KAT7: variants seen among roughly 807,000 people sequenced by gnomAD.
KAT7 encodes the protein histone acetyltransferase KAT7.
Under a neutral mutation model 82.1 loss-of-function variants are expected in KAT7, and 10 were observed. The ratio of observed to expected loss-of-function variants is 0.12; its 90% CI spans 0.08 to 0.21. KAT7 has a LOEUF of 0.21. KAT7 is among the 10% of genes least tolerant of loss of function. KAT7 has a pLI of 1.00. For missense variants in KAT7, 378 were observed against 760.9 expected, an observed-to-expected ratio of 0.50 and a Z score of 5.92; for synonymous variants, 250 against 262.5, an observed-to-expected ratio of 0.95 and a Z score of 0.46.
intron 11 of KAT7, among the ~76,000 whole-genome samples, chr17:49,822,371 G>A (rs1198002114): frequency 6.6e-6 from 1 of 151,994 alleles, no homozygotes; most frequent in Non-Finnish European, 1.5e-5. Flanking sequence ...GGGATAACAG[G>A]CGCCTGCCAC....
At chr17:49,812,052 T>G (rs1004456590) in intron 7 of KAT7, among the ~76,000 whole-genome samples, 1 of 152,178 alleles carries the variant, frequency 6.6e-6, no homozygotes, top group African/African-American at 2.4e-5. Context: ...AGAAGTAATG[T>G]ACATTTGTAA....
intron 3 of KAT7, 45 bp from the exon 4 acceptor site, chr17:49,798,274 T>C: frequency 6.3e-7 from 1 of 1,587,198 alleles, no homozygotes; most frequent in Non-Finnish European, 8.6e-7. Flanking sequence ...AACTTCTAAA[T>C]AAATGAACTC....
At chr17:49,821,503 A>G in intron 10 of KAT7, 77 bp downstream of exon 10, 10 of 1,472,654 alleles carry the variant, frequency 6.8e-6, no homozygotes, top group Non-Finnish European at 9.5e-6. Context: ...TTTTTTCTCC[A>G]TCACACCTTG....
chr17:49,802,185 T>C (rs948707939), intron 4 of KAT7, among the ~76,000 whole-genome samples: 2 of 152,174 alleles, frequency 1.3e-5, no homozygotes, highest in Non-Finnish European at 2.9e-5. Flanking sequence ...ATTTTTAGCT[T>C]TTTTGAACAA....
intron 11 of KAT7, 129 bp downstream of exon 11, chr17:49,821,919 A>G: frequency 6.8e-6 from 1 of 146,264 alleles, no homozygotes; most frequent in East Asian, 1.9e-4. Context: ...TCCTTAAATT[A>G]AAAAAAAAAA....
At chr17:49,822,329 G>A (rs941816709) in intron 11 of KAT7, among the ~76,000 whole-genome samples, 2 of 151,940 alleles carry the variant, frequency 1.3e-5, no homozygotes, top group African/African-American at 2.4e-5. Flanking sequence ...CCAGGTTCAA[G>A]TGACCCTCCT....
intron 12 of KAT7, among the ~76,000 whole-genome samples, chr17:49,824,087 T>G (rs975269216): frequency 7.9e-5 from 12 of 152,166 alleles, no homozygotes; most frequent in African/African-American, 2.9e-4. Flanking sequence ...AATAAGGCAT[T>G]TTTAAACAGA....
Position 49,796,880 on chromosome 17 carries a change from T to A in KAT7, c.294T>A (p.Arg98=). The change falls in exon 3 of 15, where the codon CGT becomes CGA. Residue 98 remains arginine, a synonymous_variant. Coordinates refer to ENST00000259021, the MANE Select transcript of KAT7 (RefSeq NM_007067.5). The part of the protein sequence containing the change: ...TPKKYPLRQT[R]SSGSETEQVV... ...AAAAATACCCTCTTCGGCAGACTCG[T>A]TCATCTGGTTCAGAAACTGAGCAAG... is the stretch of plus-strand genomic sequence containing the variant. 1 of 1,614,194 alleles carries A rather than the reference T, an allele frequency of 6.2e-7. No homozygotes were observed. Among genetic ancestry groups the A allele is most frequent in the Non-Finnish European group, 8.5e-7 (1 of 1,180,028 alleles).
chr17:49,792,071 TC>T, intron 2 of KAT7, 38 bp downstream of exon 2: 1 of 1,595,950 alleles, frequency 6.3e-7, no homozygotes, highest in Non-Finnish European at 8.6e-7. Flanking sequence ...ACTCCTCACA[TC>T]TGGCTGACTG....
rs554258976 is a variant in KAT7 at position 49,795,562 on chromosome 17, C to A, written c.164-1188C>A. 9 of 240,624 alleles carry A rather than the reference C, an allele frequency of 3.7e-5. No homozygotes were observed. In the South Asian group the frequency reaches 5.4e-4, roughly 14 times the overall value. 14.9% of individuals were successfully genotyped at this position (240,624 alleles called of 1,614,324 possible). A position where few individuals can be genotyped will look rare whatever the true frequency, so the allele number is the denominator to read the frequency against. ...GGTCAGCACTGTGGTGAGCTCCAAC[C>A]AAGTGAATAAGTTTCAGATGGCTTA... On this transcript the variant is annotated intron_variant, in intron 2 of 14. Coordinates refer to ENST00000259021, the MANE Select transcript of KAT7 (RefSeq NM_007067.5).
At chr17:49,793,196 T>A (rs1039055791) in intron 2 of KAT7, among the ~76,000 whole-genome samples, 2 of 152,250 alleles carry the variant, frequency 1.3e-5, no homozygotes, top group African/African-American at 2.4e-5. Flanking sequence ...AAGGAGCATC[T>A]GTAGTCTCTT....
rs546579947 is a variant in KAT7, at chr17:49,799,209, C to T, written c.580+651C>T. Among the ~76,000 whole-genome samples, 3 of 152,198 alleles carry T rather than the reference C, an allele frequency of 2.0e-5. No homozygotes were observed. The South Asian group carries it at 6.2e-4, about 32-fold the overall frequency. The stretch of plus-strand genomic sequence containing the variant: ...AGTGAGCTGAGGTGCAAATATTGGG[C>T]TTAAGGTTTTGTCTAGAGTTGGAAG... On this transcript the variant is annotated intron_variant, in intron 4 of 14. Coordinates refer to ENST00000259021, the MANE Select transcript of KAT7 (RefSeq NM_007067.5).
intron 7 of KAT7, 42 bp downstream of exon 7, chr17:49,811,616 A>G (rs371428962): frequency 2.0e-6 from 2 of 989,252 alleles, no homozygotes; most frequent in South Asian, 2.2e-5. Flanking sequence ...AACTCCTGCT[A>G]TCACATTTGA....
chr17:49,801,971 T>G (rs1045957670), intron 4 of KAT7, among the ~76,000 whole-genome samples: 3 of 152,250 alleles, frequency 2.0e-5, no homozygotes, highest in Admixed American at 2.0e-4. Flanking sequence ...CAAGAAGTTT[T>G]TCTACATATA....
At chr17:49,795,817 A>G (rs2073948708) in intron 2 of KAT7, 1 of 213,238 alleles carries the variant, frequency 4.7e-6, no homozygotes, top group South Asian at 9.0e-5. Flanking sequence ...TTTTGCAAAG[A>G]ATAGTTGCAA....
At chr17:49,821,602 G>C in intron 10 of KAT7, 48 bp from the exon 11 acceptor site, 1 of 1,608,440 alleles carries the variant, frequency 6.2e-7, no homozygotes, top group Non-Finnish European at 8.5e-7. Context: ...GCCTTTATCT[G>C]TTTAGGAATC....
At chr17:49,791,601 TGA>T (rs1466088701) in intron 1 of KAT7, among the ~76,000 whole-genome samples, 1 of 152,240 alleles carries the variant, frequency 6.6e-6, no homozygotes, top group African/African-American at 2.4e-5. Context: ...GAGGTTGCAG[TGA>T]GCCACGATTG....
chr17:49,821,608 G>A (rs1475952792), intron 10 of KAT7, 42 bp from the exon 11 acceptor site: 2 of 1,610,162 alleles, frequency 1.2e-6, no homozygotes, highest in East Asian at 2.2e-5. Flanking sequence ...ATCTGTTTAG[G>A]AATCAGTGGC....
rs1410043599 is a variant in KAT7 at position 49,833,523 on chromosome 17, A to G, written c.*6021A>G. 1 of 152,206 alleles carries G rather than the reference A, an allele frequency of 6.6e-6. No homozygotes were observed. Among genetic ancestry groups the G allele is most frequent in the Non-Finnish European group, 1.5e-5 (1 of 68,042 alleles). 9.4% of individuals were successfully genotyped at this position (152,206 alleles called of 1,614,324 possible). ...GAACTTGTGACTTGTTTTGACTAAT[A>G]GGATATGGAAGTGATATTTTGGCAG... On this transcript the variant is annotated 3_prime_UTR_variant, in exon 15 of 15. Coordinates refer to ENST00000259021, the MANE Select transcript of KAT7 (RefSeq NM_007067.5).
Sources: gnomAD v4.1 joint callset for allele counts (sites outside exome capture counted in the v4.1 genomes callset) on GRCh38, gnomAD v4.1.1 for gene constraint, MANE v1.5 for transcripts, NCBI Gene and HGNC (gene_info 2026-07-23, HGNC 2026-07-21) for gene names.